Variants in FRMD4A observed in about 807,000 individuals in gnomAD.
FRMD4A encodes FERM domain containing 4A.
FRMD4A carries 29 observed loss-of-function variants against 129.1 expected under a neutral mutation model. The ratio of observed to expected loss-of-function variants is 0.22; its 90% CI spans 0.17 to 0.31. The LOEUF (loss-of-function observed/expected upper bound fraction) is 0.31, where lower values mean the gene tolerates loss of function less well. FRMD4A is among the 10% of genes least tolerant of loss of function. The probability of loss-of-function intolerance (pLI) is 1.00; values close to 1 mark genes in which losing one functional copy is unlikely to be tolerated. For missense variants in FRMD4A, 1,272 were observed against 1,375.8 expected, an observed-to-expected ratio of 0.92 and a Z score of 1.19; for synonymous variants, 634 against 571.6, an observed-to-expected ratio of 1.11 and a Z score of -1.56.
At chr10:13,806,147 A>AT (rs938587719) in intron 4 of FRMD4A, among the ~76,000 whole-genome samples, 2 of 151,534 alleles carry the variant, frequency 1.3e-5, no homozygotes, top group African/African-American at 4.8e-5. Context: ...GTGAGCCACA[A>AT]TTTTTTTTTT....
intron 2 of FRMD4A, among the ~76,000 whole-genome samples, chr10:14,262,554 TCTC>T (rs1465628625): frequency 1.3e-5 from 2 of 152,182 alleles, no homozygotes; most frequent in African/African-American, 4.8e-5. Context: ...AACTGGGTCT[TCTC>T]CTTCCTGGGG....
intron 2 of FRMD4A, among the ~76,000 whole-genome samples, chr10:14,039,484 A>G (rs542375045): frequency 4.3e-4 from 64 of 149,350 alleles, no homozygotes; most frequent in African/African-American, 1.6e-3. Flanking sequence ...CTATCTATCT[A>G]TCTATCTATC....
At chr10:13,834,640 C>T (rs144791264) in intron 3 of FRMD4A, among the ~76,000 whole-genome samples, 171 of 152,258 alleles carry the variant, frequency 1.1e-3, no homozygotes, top group African/African-American at 4.1e-3. Flanking sequence ...GAAATTGATG[C>T]GTCTGAAATT....
chr10:14,264,914 T>G (rs1223576981), intron 2 of FRMD4A, among the ~76,000 whole-genome samples: 1 of 152,178 alleles, frequency 6.6e-6, no homozygotes, highest in Non-Finnish European at 1.5e-5. Context: ...CCTGAGTAGC[T>G]GGGACTACAG....
chr10:13,779,338 T>A (rs2092682128), intron 6 of FRMD4A, among the ~76,000 whole-genome samples: 1 of 151,476 alleles, frequency 6.6e-6, no homozygotes, highest in Non-Finnish European at 1.5e-5. Flanking sequence ...AAAAAAGACT[T>A]ATTTAATCTT....
chr10:14,315,316 C>T (rs548014770), intron 2 of FRMD4A, among the ~76,000 whole-genome samples: 24 of 152,296 alleles, frequency 1.6e-4, no homozygotes, highest in Admixed American at 2.0e-4. Context: ...TAGAATGTCT[C>T]ATGGATCCTT....
intron 2 of FRMD4A, among the ~76,000 whole-genome samples, chr10:14,263,534 A>T (rs1844876675): frequency 6.6e-6 from 1 of 152,032 alleles, no homozygotes; most frequent in South Asian, 2.1e-4. Context: ...CTAGAAAGTT[A>T]CCCTTGCCCA....
intron 2 of FRMD4A, among the ~76,000 whole-genome samples, chr10:14,023,400 A>G (rs1382994564): frequency 6.6e-6 from 1 of 152,142 alleles, no homozygotes; most frequent in Non-Finnish European, 1.5e-5. Flanking sequence ...GGTTCCTGAA[A>G]AGGACTCAGT....
intron 2 of FRMD4A, among the ~76,000 whole-genome samples, chr10:13,973,774 G>A (rs1468337194): frequency 8.4e-6 from 1 of 119,420 alleles, no homozygotes. Context: ...AGGCAGGGAG[G>A]GAGGGTGAAA....
chr10:14,043,484 A>G (rs534956801), intron 2 of FRMD4A, among the ~76,000 whole-genome samples: 1 of 152,056 alleles, frequency 6.6e-6, no homozygotes, highest in Non-Finnish European at 1.5e-5. Flanking sequence ...CATCTCCTCT[A>G]TTCCTCTCTG....
At chr10:13,848,250 C>T (rs191983365) in intron 3 of FRMD4A, among the ~76,000 whole-genome samples, 55 of 152,228 alleles carry the variant, frequency 3.6e-4, no homozygotes, top group African/African-American at 1.2e-3. Flanking sequence ...AAAAATAACT[C>T]AGTAGTAAAA....
chr10:14,194,538 G>A (rs1414363583), intron 2 of FRMD4A, among the ~76,000 whole-genome samples: 1 of 152,176 alleles, frequency 6.6e-6, no homozygotes, highest in Non-Finnish European at 1.5e-5. Context: ...GGGAACCCGG[G>A]AGGCGGAGCT....
chr10:14,219,825 G>A (rs944864146), intron 2 of FRMD4A, among the ~76,000 whole-genome samples: 3 of 152,110 alleles, frequency 2.0e-5, no homozygotes, highest in African/African-American at 4.8e-5. Context: ...GATGTTTTTG[G>A]TCAAGACTTG....
chr10:14,157,383 AC>A (rs1274272355), intron 2 of FRMD4A, among the ~76,000 whole-genome samples: 9 of 152,142 alleles, frequency 5.9e-5, no homozygotes, highest in African/African-American at 2.2e-4. Context: ...ACCACCAACC[AC>A]GGCACGAATT....
intron 8 of FRMD4A, among the ~76,000 whole-genome samples, chr10:13,757,601 G>A (rs368749985): frequency 1.3e-5 from 2 of 152,350 alleles, no homozygotes; most frequent in Middle Eastern, 3.4e-3. Context: ...GTAAGAATAA[G>A]CCTTCAGGCA....
chr10:13,671,239 A>G (rs1282179242), intron 16 of FRMD4A, among the ~76,000 whole-genome samples: 2 of 152,190 alleles, frequency 1.3e-5, no homozygotes, highest in Non-Finnish European at 2.9e-5. Flanking sequence ...GGATCTCTTG[A>G]GATCAGGAGT....
chr10:14,322,329 C>T (rs1000449236), intron 2 of FRMD4A, among the ~76,000 whole-genome samples: 16 of 152,106 alleles, frequency 1.1e-4, no homozygotes, highest in African/African-American at 3.9e-4. Flanking sequence ...AGCACAAAGG[C>T]ACCACCACCA....
chr10:13,707,497 G>A, intron 12 of FRMD4A: 1 of 1,011,270 alleles, frequency 9.9e-7, no homozygotes, highest in Non-Finnish European at 1.2e-6. Context: ...AAGGCGGCGG[G>A]TGAGGGGAGA....
At chr10:14,162,406 T>G (rs551615258) in intron 2 of FRMD4A, among the ~76,000 whole-genome samples, 1 of 152,214 alleles carries the variant, frequency 6.6e-6, no homozygotes, top group Admixed American at 6.5e-5. Flanking sequence ...GGTCCTCTGG[T>G]ACAAGTGTAT....
Sources: allele counts gnomAD v4.1 joint callset (sites outside exome capture counted in the v4.1 genomes callset), GRCh38; gene constraint gnomAD v4.1.1; transcripts MANE v1.5; gene names NCBI Gene and HGNC (gene_info 2026-07-23, HGNC 2026-07-21).